The following NRP2 variants were observed in gnomAD, a reference collection of about 807,000 sequenced individuals.
NRP2 encodes neuropilin-2.
Under a neutral mutation model 110.4 loss-of-function variants are expected in NRP2, and 52 were observed. The ratio of observed to expected loss-of-function variants is 0.47; its 90% confidence interval spans 0.38 to 0.59. NRP2 has a LOEUF of 0.59. NRP2 is among the 20% of genes least tolerant of loss of function. The pLI is 0.00. For missense variants in NRP2, 1,049 were observed against 1,203.0 expected (o/e 0.87, Z 1.89); for synonymous variants, 508 against 468.9 (o/e 1.08, Z -1.08).
At chr2:205,754,786 T>A (rs1215254011) in intron 12 of NRP2, among the ~76,000 whole-genome samples, 1 of 141,486 alleles carries the variant, frequency 7.1e-6, no homozygotes, top group Non-Finnish European at 1.6e-5. Flanking sequence ...CATGAGTGTG[T>A]TTGTGGTTTC....
At chr2:205,758,096 C>A (rs2057762430) in intron 12 of NRP2, among the ~76,000 whole-genome samples, 1 of 152,124 alleles carries the variant, frequency 6.6e-6, no homozygotes. Context: ...CTATTGTAAA[C>A]CTTGAGAACA....
Position 205,725,815 on chromosome 2 carries a change from C to A in NRP2, c.821-98C>A. On this transcript the variant is annotated intron_variant, in intron 5 of 16. Transcript: ENST00000357785. The surrounding 1 kb of genome is among the most constrained non-coding windows in gnomAD (Gnocchi z 4.1). ...TTAGGGTCTTTTAAATGAGGAAGTGCCTGCAAGGACTTGTCCCTAGAAGGG... is the reference window on the plus strand; with the variant it reads ...TTAGGGTCTTTTAAATGAGGAAGTGACTGCAAGGACTTGTCCCTAGAAGGG... 1.6e-6 allele frequency: 2 copies of A among 1,214,574 alleles called. No homozygotes were observed. The highest frequency in any genetic ancestry group is 2.4e-6 in the Non-Finnish European group (2 of 819,966). 75.2% of individuals were successfully genotyped at this position (1,214,574 alleles called of 1,614,324 possible).
chr2:205,715,644 G>C (rs1373353315), intron 2 of NRP2, among the ~76,000 whole-genome samples: 3 of 152,126 alleles, frequency 2.0e-5, no homozygotes, highest in Non-Finnish European at 4.4e-5. Flanking sequence ...ACAGGGGGCT[G>C]GAGGGAGATG....
At chr2:205,745,938 G>C in intron 10 of NRP2, 48 bp downstream of exon 10, 3 of 1,610,312 alleles carry the variant, frequency 1.9e-6, no homozygotes, top group Non-Finnish European at 2.5e-6. Context: ...ATGGTCCTCT[G>C]ACCCTGGCAT....
rs183788145 is a variant in NRP2 at position 205,701,778 on chromosome 2, G to A, written c.251+4057G>A. On this transcript the variant is annotated intron_variant, in intron 2 of 16. Transcript: ENST00000357785. Reference sequence around the variant, plus strand: ...AGATACTGAAATATCCACCTTTAAAGTTCTTAAAAGAGAACTTTAAAGAGT... The same window carrying A: ...AGATACTGAAATATCCACCTTTAAAATTCTTAAAAGAGAACTTTAAAGAGT... Among the ~76,000 whole-genome samples, 26 of 152,186 alleles carry A rather than the reference G, an allele frequency of 1.7e-4. No individual in the cohort carries two copies. The East Asian group carries it at 4.8e-3, about 28-fold the overall frequency.
chr2:205,749,673 T>G, intron 10 of NRP2, 52 bp from the exon 11 acceptor site: 1 of 1,425,228 alleles, frequency 7.0e-7, no homozygotes, highest in Non-Finnish European at 9.9e-7. Flanking sequence ...TCCTGCTGGG[T>G]TGCAACACAG....
chr2:205,752,868 G>A lies in NRP2; in HGVS notation c.1937G>A (p.Cys646Tyr). The A allele has an allele frequency of 6.2e-7, 1 of 1,614,174 alleles. No individual in the cohort carries two copies. Residue 646 changes from cysteine to tyrosine, a missense_variant, in exon 12 of 17, where the codon TGC becomes TAC. By Grantham distance (194) the Cys-to-Tyr change is radical (BLOSUM62 -2). Transcript: ENST00000357785. ...KDLQLPSGFN[C>Y]NFDFLEEPCG... ...TTGCAGCTCCCTTCGGGATTCAATT[G>A]CAACTTCGATTTCCTCGAGGAGCCC...
chr2:205,780,807 G>C (rs1321532072), intron 15 of NRP2, among the ~76,000 whole-genome samples: 3 of 152,156 alleles, frequency 2.0e-5, no homozygotes, highest in East Asian at 3.9e-4. Flanking sequence ...AAGGAGACAG[G>C]CTTCCGGTTT....
Position 205,794,734 on chromosome 2 carries a change from A to G in NRP2, c.2477-20A>G. ...ACATAGGCAGTGCCTGCAATCTCTCATGAATTTTATGTATCGCAGATGAAT... is the reference window on the plus strand; with the variant it reads ...ACATAGGCAGTGCCTGCAATCTCTCGTGAATTTTATGTATCGCAGATGAAT... On this transcript the variant is annotated intron_variant, in intron 16 of 16. Coordinates refer to ENST00000357785, the MANE Select transcript of NRP2 (RefSeq NM_003872.3). 1.2e-6 allele frequency: 2 copies of G among 1,614,006 alleles called. No homozygotes were observed. The highest frequency in any genetic ancestry group is 1.7e-6 in the Non-Finnish European group (2 of 1,179,898).
In NRP2 at chr2:205,774,059, G is replaced by A. The variant is rs2058061991; in HGVS notation, c.2425+7256G>A. 2.6e-5 allele frequency among the ~76,000 whole-genome samples: 4 copies of A among 152,344 alleles called. No individual in the cohort carries two copies. In the South Asian group the frequency reaches 6.2e-4, roughly 24 times the overall value. On this transcript the variant is annotated intron_variant, in intron 15 of 16. Transcript: ENST00000357785. ...GACACCCTTTGGGGAGAGAAGGGAT[G>A]TCTCTGAGGAACTCTGGGGGCATCC...
At chr2:205,757,202 TG>T (rs2057748127) in intron 12 of NRP2, among the ~76,000 whole-genome samples, 2 of 152,172 alleles carry the variant, frequency 1.3e-5, no homozygotes, top group African/African-American at 4.8e-5. Context: ...TCAAAGCCTA[TG>T]GGATTGAGGG....
intron 1 of NRP2, 31 bp from the exon 2 acceptor site, chr2:205,697,513 A>T: frequency 6.3e-7 from 1 of 1,595,752 alleles, no homozygotes. Flanking sequence ...AACATATTTG[A>T]AGTTCTTTGG....
intron 2 of NRP2, among the ~76,000 whole-genome samples, chr2:205,702,070 C>T (rs113206688): frequency 7.1e-4 from 108 of 152,326 alleles, no homozygotes; most frequent in Admixed American, 5.6e-3. Context: ...AAATATCTTG[C>T]AAGATTGCTC....
intron 15 of NRP2, among the ~76,000 whole-genome samples, chr2:205,787,291 C>G (rs2105967895): frequency 6.6e-6 from 1 of 152,240 alleles, no homozygotes; most frequent in African/African-American, 2.4e-5. Flanking sequence ...TGCCACTGAC[C>G]AGGCTTCTGA....
chr2:205,740,795 AC>A, intron 8 of NRP2, 132 bp downstream of exon 8: 1 of 988,556 alleles, frequency 1.0e-6, no homozygotes, highest in Non-Finnish European at 1.5e-6. Context: ...CTCAAGTCCT[AC>A]CAGAGTTTGT....
intron 11 of NRP2, among the ~76,000 whole-genome samples, chr2:205,752,126 C>CTGGG (rs1336852721): frequency 5.9e-5 from 9 of 152,298 alleles, no homozygotes; most frequent in African/African-American, 2.2e-4. Context: ...GGGGTCGCAG[C>CTGGG]CTCCAGGGAT....
chr2:205,697,558 G>A lies in NRP2; in HGVS notation c.88G>A (p.Gly30Ser), dbSNP rs1335627685. ...TTCTCTTTCAGACCCACCGTGCGGA[G>A]GTCGTTTGAATTCCAAAGATGCTGG... Reference protein sequence around the residue: ...VRGQPDPPCGGRLNSKDAGYI... With the variant: ...VRGQPDPPCGSRLNSKDAGYI... The change falls in exon 2 of 17, where the codon GGT becomes AGT. Residue 30 changes from glycine to serine, a missense_variant. Transcript: ENST00000357785. 6 of 1,614,010 alleles carry A rather than the reference G, an allele frequency of 3.7e-6. No homozygotes were observed. The highest frequency in any genetic ancestry group is 1.1e-5 in the South Asian group (1 of 91,058).
chr2:205,762,084 G>A (rs567225795), intron 12 of NRP2: 1 of 152,334 alleles, frequency 6.6e-6, no homozygotes, highest in Non-Finnish European at 1.5e-5. Flanking sequence ...ATTCTCTTCT[G>A]TAGACAGCTG....
rs1032069935 is a variant in NRP2 at position 205,763,830 on chromosome 2, G to A, written c.2201G>A (p.Arg734Gln). 1.9e-6 allele frequency: 3 copies of A among 1,614,020 alleles called. No homozygotes were observed. The African/African-American group carries it at 4.0e-5, about 22-fold the overall frequency. Residue 734 changes from arginine (R) to glutamine (Q), a missense_variant, in exon 13 of 17, where the codon CGG (arginine) becomes CAG (glutamine). By Grantham distance (43) the Arg-to-Gln change is conservative. Transcript: ENST00000357785. The surrounding 1 kb of genome is among the most constrained non-coding windows in gnomAD (Gnocchi z 4.0). ...CGCGGGGTGGCGCTGCAGGTGGTGC[G>A]GGAAGCCAGCCAGGAGAGCAAGTTG... is the stretch of plus-strand genomic sequence containing the variant. ...GGRGVALQVV[R>Q]EASQESKLLW...
Sources: gnomAD v4.1 joint callset for allele counts (sites outside exome capture counted in the v4.1 genomes callset) on GRCh38, gnomAD v4.1.1 for gene constraint, Gnocchi (gnomAD v3.1) non-coding constraint, MANE v1.5 for transcripts, NCBI Gene and HGNC (gene_info 2026-07-23, HGNC 2026-07-21) for gene names.